The following GLIS3 variants were observed in gnomAD, a reference collection of about 807,000 sequenced individuals.
GLIS3 encodes the protein GLIS family zinc finger 3, also known as zinc finger protein GLIS3.
In GLIS3, 53 loss-of-function variants were observed where a neutral mutation model predicts 78.6. The ratio of observed to expected loss-of-function variants is 0.67; its 90% confidence interval spans 0.54 to 0.85. The LOEUF is 0.85. Ranked by LOEUF, GLIS3 falls within the 40% of genes least tolerant of loss-of-function variation. The pLI is 0.00. For synonymous variants in GLIS3, 684 were observed against 509.9 expected (o/e 1.34, Z -4.60); for missense variants, 1,703 against 1,231.1 (o/e 1.38, Z -5.74).
intron 4 of GLIS3, among the ~76,000 whole-genome samples, chr9:4,091,654 C>T (rs537193237): frequency 7.2e-5 from 11 of 152,152 alleles, no homozygotes; most frequent in East Asian, 1.9e-4. Context: ...GTACGTATGG[C>T]GAGCATCCCC....
chr9:4,046,383 G>A (rs1163640637), intron 4 of GLIS3, among the ~76,000 whole-genome samples: 2 of 152,136 alleles, frequency 1.3e-5, no homozygotes, highest in African/African-American at 4.8e-5. Flanking sequence ...CAAAGAGAGG[G>A]TTGGCAGGCA....
chr9:3,951,499 G>A (rs1052677721), intron 4 of GLIS3, among the ~76,000 whole-genome samples: 1 of 151,742 alleles, frequency 6.6e-6, no homozygotes, highest in African/African-American at 2.4e-5. Context: ...GTTAAAGAAT[G>A]TATGCTGGAC....
chr9:3,976,741 C>A (rs1358833388), intron 4 of GLIS3, among the ~76,000 whole-genome samples: 1 of 134,702 alleles, frequency 7.4e-6, no homozygotes, highest in Non-Finnish European at 1.5e-5. Flanking sequence ...TTCCTTAGTG[C>A]CAACACAGTG....
intron 2 of GLIS3, among the ~76,000 whole-genome samples, chr9:4,142,469 G>A (rs867941296): frequency 1.6e-3 from 250 of 152,246 alleles, no homozygotes; most frequent in African/African-American, 5.8e-3. Flanking sequence ...GGGTTAGAGT[G>A]CCTCCTCATT....
intron 9 of GLIS3, among the ~76,000 whole-genome samples, chr9:3,846,579 C>T (rs946273834): frequency 1.3e-5 from 2 of 152,184 alleles, no homozygotes; most frequent in African/African-American, 4.8e-5. Context: ...ATTGCATGAC[C>T]TGCTCATAGG....
the GLIS3 span, among the ~76,000 whole-genome samples, chr9:4,409,542 T>C: frequency 6.6e-6 from 1 of 152,174 alleles, no homozygotes; most frequent in African/African-American, 2.4e-5. Flanking sequence ...ACACGCTTAC[T>C]AGTATAATGA....
intron 9 of GLIS3, among the ~76,000 whole-genome samples, chr9:3,849,634 G>A (rs547553682): frequency 1.6e-3 from 241 of 152,126 alleles, no homozygotes; most frequent in African/African-American, 5.6e-3. Flanking sequence ...AAGGCTAAGG[G>A]CGGTGGCTCA....
At chr9:4,398,554 G>A in the GLIS3 span, among the ~76,000 whole-genome samples, 1 of 151,932 alleles carries the variant, frequency 6.6e-6, no homozygotes. Context: ...TCCACCCCCT[G>A]CTCCAGCTCA....
chr9:4,485,866 T>A, the GLIS3 span, among the ~76,000 whole-genome samples: 1 of 151,934 alleles, frequency 6.6e-6, no homozygotes, highest in Non-Finnish European at 1.5e-5. Flanking sequence ...GAATTATAGG[T>A]TCCTGCCACC....
At chr9:4,215,623 T>C (rs1406857423) in intron 2 of GLIS3, among the ~76,000 whole-genome samples, 2 of 152,230 alleles carry the variant, frequency 1.3e-5, no homozygotes, top group African/African-American at 2.4e-5. Flanking sequence ...TTCCACAGAA[T>C]CATCTTTCTA....
At chr9:4,025,855 T>A (rs1823291586) in intron 4 of GLIS3, among the ~76,000 whole-genome samples, 1 of 152,312 alleles carries the variant, frequency 6.6e-6, no homozygotes, top group Non-Finnish European at 1.5e-5. Context: ...TCATGGTTTT[T>A]GCCCATGGGG....
In GLIS3 at chr9:4,000,575, G is replaced by A. The variant is rs115988523; in HGVS notation, c.1711-63386C>T. 7.9e-3 allele frequency among the ~76,000 whole-genome samples: 1,207 copies of A among 152,222 alleles called. 15 individuals are homozygous for A. Among genetic ancestry groups the A allele is most frequent in the African/African-American group, 0.027 (1,137 of 41,548 alleles). On this transcript the variant is annotated intron_variant, in intron 4 of 10. Transcript: ENST00000381971. Reference sequence around the variant, plus strand: ...AGGGTAGAAAATATCTACACCCAAAGCTCGTTTAAAGAAAAAGAAAAGGTT... The same window carrying A: ...AGGGTAGAAAATATCTACACCCAAAACTCGTTTAAAGAAAAAGAAAAGGTT...
At chr9:4,360,331 A>G in the GLIS3 span, among the ~76,000 whole-genome samples, 11 of 152,322 alleles carry the variant, frequency 7.2e-5, no homozygotes, top group African/African-American at 2.2e-4. Flanking sequence ...GGAGAAAAAC[A>G]TGATCCATCT....
At chr9:4,007,158 C>T (rs535023516) in intron 4 of GLIS3, among the ~76,000 whole-genome samples, 1 of 152,322 alleles carries the variant, frequency 6.6e-6, no homozygotes, top group African/African-American at 2.4e-5. Context: ...AAACACCCAA[C>T]AGGGTCACAG....
chr9:3,953,789 C>CTATATA (rs1554656493), intron 4 of GLIS3, among the ~76,000 whole-genome samples: 3 of 45,522 alleles, frequency 6.6e-5, no homozygotes, highest in Admixed American at 4.9e-4. Context: ...CTCTCTCTCT[C>CTATATA]TCTCTCTATA....
In GLIS3 at chr9:4,091,920, A is replaced by G. The variant is rs1367760454; in HGVS notation, c.1710+25848T>C. On this transcript the variant is annotated intron_variant, in intron 4 of 10. Coordinates refer to ENST00000381971, the MANE Select transcript of GLIS3 (RefSeq NM_001042413.2). ...AACACAGAAAAGGTACAGTAAAAAT[A>G]CCATATAAAAGATAAAAAAAAATGA... 1.3e-5 allele frequency among the ~76,000 whole-genome samples: 2 copies of G among 152,110 alleles called. 1 individual carries two copies. Among genetic ancestry groups the G allele is most frequent in the Non-Finnish European group, 2.9e-5 (2 of 68,028 alleles).
At chr9:4,323,003 T>A (rs867054249) in intron 2 of GLIS3, among the ~76,000 whole-genome samples, 1 of 152,212 alleles carries the variant, frequency 6.6e-6, no homozygotes, top group East Asian at 1.9e-4. Flanking sequence ...ATGTCCTGAA[T>A]GGTATTGCCT....
At chr9:4,169,430 A>G (rs1186533377) in intron 2 of GLIS3, among the ~76,000 whole-genome samples, 1 of 152,218 alleles carries the variant, frequency 6.6e-6, no homozygotes, top group Non-Finnish European at 1.5e-5. Context: ...ACACAGGAGA[A>G]TGAGTTGGAA....
At chr9:4,370,435 G>A in the GLIS3 span, among the ~76,000 whole-genome samples, 2 of 151,964 alleles carry the variant, frequency 1.3e-5, no homozygotes, top group African/African-American at 4.8e-5. Context: ...TAGATTTTCA[G>A]CTGTAAATAT....
Sources: allele counts gnomAD v4.1 joint callset (sites outside exome capture counted in the v4.1 genomes callset), GRCh38; gene constraint gnomAD v4.1.1; transcripts MANE v1.5; gene names NCBI Gene and HGNC (gene_info 2026-07-23, HGNC 2026-07-21).